SBF2: variants seen among roughly 807,000 people sequenced by gnomAD.
SBF2 encodes SET binding factor 2, also known as myotubularin-related protein 13.
SBF2 carries 112 observed loss-of-function variants against 225.2 expected under a neutral mutation model. The ratio of observed to expected loss-of-function variants is 0.50; its 90% confidence interval spans 0.43 to 0.58. SBF2 has a LOEUF of 0.58. SBF2 is among the 20% of genes least tolerant of loss of function. The pLI is 0.00. For missense variants in SBF2, 1,996 were observed against 2,206.2 expected (o/e 0.90, Z 1.91); for synonymous variants, 763 against 773.3 (o/e 0.99, Z 0.22).
At chr11:10,291,210 G>A (rs560351669) in intron 1 of SBF2, among the ~76,000 whole-genome samples, 41 of 152,200 alleles carry the variant, frequency 2.7e-4, no homozygotes, top group Non-Finnish European at 1.3e-4. Context: ...ATGGTATTAT[G>A]AGGTGAGGCC....
At chr11:9,962,265 A>T (rs182510143) in intron 15 of SBF2, among the ~76,000 whole-genome samples, 159 bp from the exon 16 acceptor site, 1 of 148,146 alleles carries the variant, frequency 6.8e-6, no homozygotes, top group East Asian at 2.0e-4. Flanking sequence ...TTATTAAGAC[A>T]ATTATAAAAT....
intron 2 of SBF2, among the ~76,000 whole-genome samples, chr11:10,120,207 TG>T (rs1953371878): frequency 6.6e-6 from 1 of 152,244 alleles, no homozygotes. Flanking sequence ...ATGACTGGCT[TG>T]TTTCACACAG....
intron 1 of SBF2, among the ~76,000 whole-genome samples, chr11:10,255,454 T>C (rs1015999676): frequency 1.3e-5 from 2 of 152,158 alleles, no homozygotes; most frequent in Admixed American, 6.5e-5. Flanking sequence ...ATTTGAAATA[T>C]AAATAAAGGA....
chr11:10,066,636 C>T (rs1377973391), intron 2 of SBF2, among the ~76,000 whole-genome samples: 1 of 152,154 alleles, frequency 6.6e-6, no homozygotes, highest in Non-Finnish European at 1.5e-5. Flanking sequence ...TAATAAAGAG[C>T]ATTGATGTGA....
upstream of SBF2, among the ~76,000 whole-genome samples, chr11:10,297,567 C>T (rs1964559589): frequency 6.6e-6 from 1 of 152,080 alleles, no homozygotes; most frequent in South Asian, 2.1e-4. Flanking sequence ...GGTAAGGGGT[C>T]TTGTTTTACC....
intron 26 of SBF2, 127 bp downstream of exon 26, chr11:9,839,371 G>T: frequency 1.1e-6 from 1 of 923,006 alleles, no homozygotes; most frequent in South Asian, 1.3e-5. Context: ...CTCGTATCCT[G>T]GAGACCTTGT....
intron 16 of SBF2, among the ~76,000 whole-genome samples, chr11:9,955,890 CG>C: frequency 6.6e-6 from 1 of 152,066 alleles, no homozygotes; most frequent in East Asian, 1.9e-4. Context: ...ACTTTTACCA[CG>C]TATGTTTGTA....
At chr11:10,268,160 A>G (rs895955727) in intron 1 of SBF2, among the ~76,000 whole-genome samples, 7 of 152,142 alleles carry the variant, frequency 4.6e-5, no homozygotes, top group African/African-American at 1.7e-4. Context: ...CTGACACTTG[A>G]TTTCTCTCTG....
At chr11:10,003,893 C>T (rs1456566765) in intron 6 of SBF2, among the ~76,000 whole-genome samples, 4 of 152,088 alleles carry the variant, frequency 2.6e-5, no homozygotes, top group African/African-American at 9.7e-5. Context: ...ATCACTTCAA[C>T]TTTAATCATA....
At chr11:10,216,662 G>C (rs1163605684) in intron 1 of SBF2, among the ~76,000 whole-genome samples, 1 of 152,192 alleles carries the variant, frequency 6.6e-6, no homozygotes, top group Non-Finnish European at 1.5e-5. Context: ...TTGAGGTCAA[G>C]AGTTCGAGAC....
chr11:9,948,553 A>G (rs142480098), intron 16 of SBF2, among the ~76,000 whole-genome samples: 29 of 152,262 alleles, frequency 1.9e-4, no homozygotes, highest in African/African-American at 6.7e-4. Context: ...TCCTGCTGCT[A>G]GCCATTTCTT....
chr11:9,998,439 T>C (rs1359993669), intron 8 of SBF2, 60 bp from the exon 9 acceptor site: 6 of 929,572 alleles, frequency 6.5e-6, no homozygotes, highest in Non-Finnish European at 1.0e-5. Flanking sequence ...TTAAGCAAAT[T>C]ATTTTTCCCT....
intron 2 of SBF2, among the ~76,000 whole-genome samples, chr11:10,179,859 T>C (rs1303968711): frequency 6.6e-6 from 1 of 152,170 alleles, no homozygotes; most frequent in East Asian, 1.9e-4. Context: ...CCCCCTTTTG[T>C]TTTGTGTGTA....
chr11:9,921,009 A>G (rs1365297640), intron 16 of SBF2, among the ~76,000 whole-genome samples: 1 of 151,204 alleles, frequency 6.6e-6, no homozygotes, highest in South Asian at 2.1e-4. Flanking sequence ...GCCTATAGTA[A>G]TAGTTTTCAA....
chr11:10,073,689 C>T (rs1340337711), intron 2 of SBF2, among the ~76,000 whole-genome samples: 2 of 152,120 alleles, frequency 1.3e-5, no homozygotes, highest in African/African-American at 2.4e-5. Context: ...CGCACTACTG[C>T]ACTCTAGCCT....
rs963608316 is a variant in SBF2, at chr11:9,989,055, T to TATATATATATAC, written c.1395+441_1395+442insGTATATATATAT. On this transcript the variant is annotated intron_variant, in intron 13 of 39. Coordinates refer to ENST00000256190, the MANE Select transcript of SBF2 (RefSeq NM_030962.4). Reference sequence around the variant, plus strand: ...ACTGTGCCAAATATATATATATATATACATATGCATACATACACATACACA... The same window carrying TATATATATATAC: ...ACTGTGCCAAATATATATATATATATATATATATATACACATATGCATACATACACATACACA... Among the ~76,000 whole-genome samples, 23 of 142,722 alleles carry TATATATATATAC rather than the reference T, an allele frequency of 1.6e-4. 1 individual carries two copies. Among genetic ancestry groups the TATATATATATAC allele is most frequent in the Middle Eastern group, 4.1e-3 (1 of 244 alleles). The allele number at this position is 142,722 out of a possible 152,430, so 93.6% of individuals were successfully genotyped here.
intron 17 of SBF2, among the ~76,000 whole-genome samples, chr11:9,895,345 GT>G (rs1430882192): frequency 1.6e-4 from 24 of 152,184 alleles, no homozygotes; most frequent in Non-Finnish European, 2.6e-4. Context: ...AGTGTGGGTG[GT>G]TATCTAATTC....
chr11:10,191,351 TCA>T (rs1393971365), intron 2 of SBF2, among the ~76,000 whole-genome samples: 2 of 152,162 alleles, frequency 1.3e-5, no homozygotes, highest in African/African-American at 4.8e-5. Flanking sequence ...TACAGAATAT[TCA>T]CACTCTCTAA....
At chr11:9,987,380 C>T (rs555696824) in intron 13 of SBF2, among the ~76,000 whole-genome samples, 20 of 152,072 alleles carry the variant, frequency 1.3e-4, no homozygotes, top group Non-Finnish European at 2.4e-4. Flanking sequence ...CCCACTCTCA[C>T]CACTCCTTTT....
Sources: gnomAD v4.1 joint callset for allele counts (sites outside exome capture counted in the v4.1 genomes callset) on GRCh38, gnomAD v4.1.1 for gene constraint, MANE v1.5 for transcripts, NCBI Gene and HGNC (gene_info 2026-07-23, HGNC 2026-07-21) for gene names.